ABHD3: variants seen among roughly 807,000 people sequenced by gnomAD.
ABHD3 encodes the protein abhydrolase domain containing 3, phospholipase.
ABHD3 carries 46 observed loss-of-function variants against 48.8 expected under a neutral mutation model. The observed-to-expected ratio is 0.94, with a 90% CI of 0.74 to 1.20. The LOEUF (loss-of-function observed/expected upper bound fraction) is 1.20, where lower values mean the gene tolerates loss of function less well. Ranked by LOEUF, ABHD3 falls within the 50% of genes most tolerant of loss-of-function variation. ABHD3 has a pLI of 0.00. For missense variants in ABHD3, 490 were observed against 497.8 expected, an observed-to-expected ratio of 0.98 and a Z score of 0.15; for synonymous variants, 192 against 183.7, an observed-to-expected ratio of 1.04 and a Z score of -0.36.
chr18:21,694,883 C>T (rs1240306369), intron 3 of ABHD3, among the ~76,000 whole-genome samples: 1 of 152,124 alleles, frequency 6.6e-6, no homozygotes, highest in Non-Finnish European at 1.5e-5. Context: ...CCTTTTGGCT[C>T]TTCTGATATT....
At chr18:21,704,465 G>A in intron 1 of ABHD3, 39 bp downstream of exon 1, 2 of 1,328,054 alleles carry the variant, frequency 1.5e-6, no homozygotes, top group Non-Finnish European at 1.9e-6. Flanking sequence ...CCTAGCTCCT[G>A]GCCCAGCAGC....
chr18:21,657,400 C>T (rs138165933), intron 6 of ABHD3, among the ~76,000 whole-genome samples: 13 of 150,046 alleles, frequency 8.7e-5, no homozygotes, highest in Non-Finnish European at 1.6e-4. Flanking sequence ...AGTGTAGTGG[C>T]ATGATCACGG....
intron 3 of ABHD3, among the ~76,000 whole-genome samples, chr18:21,698,842 G>C (rs549564236): frequency 2.0e-4 from 31 of 151,958 alleles, no homozygotes; most frequent in Non-Finnish European, 3.1e-4. Context: ...TGGCCTCCCA[G>C]ACTGCTGGGA....
chr18:21,674,781 G>C (rs1157957874), intron 4 of ABHD3, among the ~76,000 whole-genome samples: 1 of 152,154 alleles, frequency 6.6e-6, no homozygotes, highest in Non-Finnish European at 1.5e-5. Flanking sequence ...ATGTGAGAAA[G>C]GCACTGCCTG....
Position 21,702,309 on chromosome 18 carries a change from CTGG to C in ABHD3, c.509+4_509+6del, listed in dbSNP as rs2040530267. 3 of 1,562,042 alleles carry C rather than the reference CTGG, an allele frequency of 1.9e-6. No individual in the cohort carries two copies. In the East Asian group the frequency reaches 6.8e-5, roughly 36 times the overall value. ...CAAGTGAAAAAAAAGAAATCTTTTA[CTGG>C]TACCTGTATCCTAATTCTTCACTAA... is the stretch of plus-strand genomic sequence containing the variant. On this transcript the variant is annotated splice_donor_5th_base_variant and intron_variant, in intron 3 of 8. Coordinates refer to ENST00000289119, the MANE Select transcript of ABHD3 (RefSeq NM_138340.5).
chr18:21,663,954 T>C (rs2039561892), intron 5 of ABHD3, 164 bp downstream of exon 5: 1 of 1,429,136 alleles, frequency 7.0e-7, no homozygotes, highest in Admixed American at 3.1e-5. Context: ...ATTAATTCTT[T>C]CCTTCCTTCG....
chr18:21,667,707 C>T (rs1368001239), intron 4 of ABHD3, among the ~76,000 whole-genome samples: 1 of 151,904 alleles, frequency 6.6e-6, no homozygotes, highest in African/African-American at 2.4e-5. Context: ...AATTTGTGTC[C>T]ACAAAACCCT....
intron 3 of ABHD3, among the ~76,000 whole-genome samples, chr18:21,693,895 T>C (rs571976473): frequency 6.6e-6 from 1 of 152,280 alleles, no homozygotes; most frequent in Admixed American, 6.5e-5. Flanking sequence ...ACTAACCCTT[T>C]TGTTTTGCTG....
chr18:21,679,258 G>A (rs2039954912), intron 4 of ABHD3, among the ~76,000 whole-genome samples: 1 of 152,154 alleles, frequency 6.6e-6, no homozygotes, highest in Admixed American at 6.5e-5. Context: ...CTTGAAGACA[G>A]AAAGAAGCAG....
chr18:21,688,150 CA>C (rs1461067859), intron 3 of ABHD3, among the ~76,000 whole-genome samples: 1 of 152,062 alleles, frequency 6.6e-6, no homozygotes, highest in Non-Finnish European at 1.5e-5. Context: ...ACAAAAACAA[CA>C]AAAAAAGTAG....
intron 3 of ABHD3, among the ~76,000 whole-genome samples, chr18:21,697,118 C>T (rs2040389073): frequency 6.6e-6 from 1 of 150,826 alleles, no homozygotes; most frequent in Admixed American, 6.6e-5. Context: ...CTCTGTCGCC[C>T]TGGCTGGAGT....
chr18:21,652,493 G>A (rs1041533250), intron 8 of ABHD3, among the ~76,000 whole-genome samples: 3 of 152,040 alleles, frequency 2.0e-5, no homozygotes, highest in South Asian at 2.1e-4. Context: ...AAGAAAGAGA[G>A]AGGCCAGGTG....
intron 3 of ABHD3, among the ~76,000 whole-genome samples, chr18:21,687,278 G>C (rs1231927225): frequency 6.6e-6 from 1 of 151,234 alleles, no homozygotes; most frequent in Non-Finnish European, 1.5e-5. Context: ...GCGCAATCTC[G>C]GCTCACTGCA....
chr18:21,651,041 T>G lies in ABHD3; in HGVS notation c.*550A>C, dbSNP rs1399882355. 1 of 152,184 alleles carries G rather than the reference T, an allele frequency of 6.6e-6. No individual in the cohort carries two copies. The highest frequency in any genetic ancestry group is 1.5e-5 in the Non-Finnish European group (1 of 68,032). The allele number at this position is 152,184 out of a possible 1,614,324, so 9.4% of individuals were successfully genotyped here. ...TATTATCAGAGTAAAAGAGCACATA[T>G]AGAAGTCAGTCTAACTTTGTTGCAC... is the stretch of plus-strand genomic sequence containing the variant. On this transcript the variant is annotated 3_prime_UTR_variant, in exon 9 of 9. Coordinates refer to ENST00000289119, the MANE Select transcript of ABHD3 (RefSeq NM_138340.5).
intron 8 of ABHD3, among the ~76,000 whole-genome samples, chr18:21,653,732 A>G (rs1269590485): frequency 7.6e-6 from 1 of 131,790 alleles, no homozygotes; most frequent in Non-Finnish European, 1.5e-5. Flanking sequence ...CTTTACAAAA[A>G]ATGTTAAAAA....
Position 21,702,436 on chromosome 18 carries a change from C to T in ABHD3, c.389G>A (p.Ser130Asn). The T allele has an allele frequency of 1.2e-6, 2 of 1,613,640 alleles. No individual in the cohort carries two copies. Among genetic ancestry groups the T allele is most frequent in the Non-Finnish European group, 1.7e-6 (2 of 1,179,768 alleles). Residue 130 changes from serine to asparagine, a missense_variant, in exon 3 of 9, where the codon AGT becomes AAT. By Grantham distance (46) the Ser-to-Asn change is conservative. Coordinates refer to ENST00000289119, the MANE Select transcript of ABHD3 (RefSeq NM_138340.5). ...ISLDWFDNDNSTCYMDASTRP... is the reference protein window; with the variant it reads ...ISLDWFDNDNNTCYMDASTRP... ...GGTGCTGGCATCCATATAACACGTA[C>T]TGTTATCATTATCAAACCAGTCCAG...
chr18:21,702,468 C>A lies in ABHD3; in HGVS notation c.357G>T (p.Gln119His). ...NELIKTADGG[Q>H]ISLDWFDNDN... is the part of the protein sequence containing the mutation. The stretch of plus-strand genomic sequence containing the variant: ...CATTATCAAACCAGTCCAGTGAAAT[C>A]TGTCCTCCATCTGCAGTTTTAATAA... Residue 119 changes from glutamine (Q) to histidine (H), a missense_variant, in exon 3 of 9, where the codon CAG (glutamine) becomes CAT (histidine). Transcript: ENST00000289119. The A allele has an allele frequency of 6.2e-7, 1 of 1,607,598 alleles. No homozygotes were observed. The highest frequency in any genetic ancestry group is 8.5e-7 in the Non-Finnish European group (1 of 1,176,272).
chr18:21,687,711 G>C (rs1345878561), intron 3 of ABHD3, among the ~76,000 whole-genome samples: 2 of 152,140 alleles, frequency 1.3e-5, no homozygotes, highest in Non-Finnish European at 2.9e-5. Flanking sequence ...CTGGTAAGAA[G>C]AACTTTCTGT....
intron 3 of ABHD3, among the ~76,000 whole-genome samples, chr18:21,693,314 T>C (rs541102508): frequency 6.6e-6 from 1 of 152,288 alleles, no homozygotes; most frequent in Non-Finnish European, 1.5e-5. Context: ...TAGGTATTGT[T>C]ACAGATGAGA....
Sources: allele counts gnomAD v4.1 joint callset (sites outside exome capture counted in the v4.1 genomes callset), GRCh38; gene constraint gnomAD v4.1.1; transcripts MANE v1.5; gene names NCBI Gene and HGNC (gene_info 2026-07-23, HGNC 2026-07-21).